The following NUDT19 variants were observed in gnomAD, a reference collection of about 807,000 sequenced individuals.
NUDT19 encodes the protein acyl-coenzyme A diphosphatase NUDT19.
A neutral mutation model predicts 22.2 loss-of-function variants in NUDT19; 31 were observed. The observed-to-expected ratio is 1.40, with a 90% CI of 1.05 to 1.89. The LOEUF (loss-of-function observed/expected upper bound fraction) is 1.89. Ranked by LOEUF, NUDT19 falls within the 40% of genes most tolerant of loss-of-function variation. The probability of loss-of-function intolerance (pLI) is 0.00; values close to 1 mark genes in which losing one functional copy is unlikely to be tolerated. For missense variants in NUDT19, 752 were observed against 514.2 expected, an observed-to-expected ratio of 1.46 and a Z score of -4.47; for synonymous variants, 325 against 230.8, an observed-to-expected ratio of 1.41 and a Z score of -3.70.
In NUDT19 at chr19:32,713,324, C is replaced by T. The variant is rs1190951431; in HGVS notation, c.*1367C>T. 1 of 152,146 alleles carries T rather than the reference C, an allele frequency of 6.6e-6. No homozygotes were observed. Among genetic ancestry groups the T allele is most frequent in the Non-Finnish European group, 1.5e-5 (1 of 68,034 alleles). The allele number at this position is 152,146 out of a possible 1,614,324, so 9.4% of individuals were successfully genotyped here. On this transcript the variant is annotated 3_prime_UTR_variant, in exon 3 of 3. Coordinates refer to ENST00000397061, the MANE Select transcript of NUDT19 (RefSeq NM_001105570.2). ...TACAGGCACCCACTACCATGCCCAG[C>T]TAATCTTTGTATTTTTAGTAGAGAC...
chr19:32,692,162 G>C lies in NUDT19; in HGVS notation c.202G>C (p.Asp68His), dbSNP rs1466870976. 2.0e-6 allele frequency: 3 copies of C among 1,526,874 alleles called. No individual in the cohort carries two copies. The highest frequency in any genetic ancestry group is 8.7e-7 in the Non-Finnish European group (1 of 1,146,712). The allele number at this position is 1,526,874 out of a possible 1,614,324, so 94.6% of individuals were successfully genotyped here. A position where few individuals can be genotyped will look rare whatever the true frequency, so the allele number is the denominator to read the frequency against. ...GCACGTCTTCTCCGGCGGAGTGCTGGATGCGGCCGACCGCTCGGCGGACTG... is the reference window on the plus strand; with the variant it reads ...GCACGTCTTCTCCGGCGGAGTGCTGCATGCGGCCGACCGCTCGGCGGACTG... ...GAHVFSGGVL[D>H]AADRSADWLG... Residue 68 changes from aspartate (D) to histidine (H), a missense_variant, in exon 1 of 3, where the codon GAT (aspartate) becomes CAT (histidine). Transcript: ENST00000397061.
intron 1 of NUDT19, among the ~76,000 whole-genome samples, chr19:32,703,813 C>G (rs1968360140): frequency 6.6e-6 from 1 of 151,834 alleles, no homozygotes; most frequent in Non-Finnish European, 1.5e-5. Context: ...CAGGCACCCA[C>G]CACCATGCCC....
In NUDT19 at chr19:32,692,383, G is replaced by A. The variant is rs766880928; in HGVS notation, c.423G>A (p.Leu141=). 1.9e-6 allele frequency: 3 copies of A among 1,585,656 alleles called. No individual in the cohort carries two copies. The highest frequency in any genetic ancestry group is 1.1e-5 in the South Asian group (1 of 89,636). ...EAFEEAGVLL[L]RPRTSPPGPA... ...TTGAGGAGGCGGGCGTGCTGCTGCT[G>A]CGGCCCAGGACTTCCCCACCAGGCC... The change falls in exon 1 of 3, where the codon CTG becomes CTA. Residue 141 remains leucine, a synonymous_variant. Transcript: ENST00000397061.
intron 1 of NUDT19, among the ~76,000 whole-genome samples, chr19:32,708,506 A>G (rs1182695402): frequency 6.6e-6 from 1 of 152,212 alleles, no homozygotes; most frequent in Non-Finnish European, 1.5e-5. Context: ...GTCTATGGAA[A>G]GAAGGCTCAG....
Position 32,692,411 on chromosome 19 carries a change from G to GC in NUDT19, c.452dup (p.Pro152ThrfsTer62). On this transcript the variant is annotated frameshift_variant, in exon 1 of 3. Coordinates refer to ENST00000397061, the MANE Select transcript of NUDT19 (RefSeq NM_001105570.2). LOFTEE classifies it high-confidence loss of function. ...GCCCAGGACTTCCCCACCAGGCCCAGCACCCGGGCCTGGCCTCGCCCTGGA... is the reference window on the plus strand; with the variant it reads ...GCCCAGGACTTCCCCACCAGGCCCAGCCACCCGGGCCTGGCCTCGCCCTGGA... 6.4e-7 allele frequency: 1 copy of GC among 1,564,944 alleles called. No individual in the cohort carries two copies. Among genetic ancestry groups the GC allele is most frequent in the South Asian group, 1.1e-5 (1 of 87,800 alleles).
At position 32,691,848 on chromosome 19, in the gene NUDT19, G is replaced by A. The variant is rs1354733315; in HGVS notation, c.-113G>A. On this transcript the variant is annotated 5_prime_UTR_variant, in exon 1 of 3. Transcript: ENST00000397061. ...ACGCCCAGGTTCACCCAACGCCAGA[G>A]GCTCGTCCTCAATTCCCGCGAGGCC... 7.5e-6 allele frequency: 4 copies of A among 535,546 alleles called. No homozygotes were observed. Among genetic ancestry groups the A allele is most frequent in the Non-Finnish European group, 1.1e-5 (4 of 366,768 alleles). The allele number at this position is 535,546 out of a possible 1,614,324, so 33.2% of individuals were successfully genotyped here.
rs1462198214 is a variant in NUDT19 at position 32,692,154 on chromosome 19, G to C, written c.194G>C (p.Gly65Ala). The C allele has an allele frequency of 1.1e-5, 17 of 1,510,182 alleles. No homozygotes were observed. Among genetic ancestry groups the C allele is most frequent in the Non-Finnish European group, 1.4e-5 (16 of 1,139,130 alleles). 93.5% of individuals were successfully genotyped at this position (1,510,182 alleles called of 1,614,324 possible). A position where few individuals can be genotyped will look rare whatever the true frequency, so the allele number is the denominator to read the frequency against. ...FMPGAHVFSG[G>A]VLDAADRSAD... is the part of the protein sequence containing the mutation. ...CCGGGCGCGCACGTCTTCTCCGGCGGAGTGCTGGATGCGGCCGACCGCTCG... is the reference window on the plus strand; with the variant it reads ...CCGGGCGCGCACGTCTTCTCCGGCGCAGTGCTGGATGCGGCCGACCGCTCG... Residue 65 changes from glycine to alanine, a missense_variant, in exon 1 of 3, where the codon GGA becomes GCA. By Grantham distance (60) the Gly-to-Ala change is moderately conservative (BLOSUM62 0). Coordinates refer to ENST00000397061, the MANE Select transcript of NUDT19 (RefSeq NM_001105570.2).
intron 1 of NUDT19, among the ~76,000 whole-genome samples, chr19:32,708,663 C>T (rs1323734924): frequency 6.6e-6 from 1 of 152,148 alleles, no homozygotes; most frequent in Non-Finnish European, 1.5e-5. Flanking sequence ...CCTGATGCTT[C>T]ACCGCCGTTG....
intron 1 of NUDT19, among the ~76,000 whole-genome samples, chr19:32,694,922 TCTTTTTC>T (rs1968245958): frequency 6.6e-6 from 1 of 152,214 alleles, no homozygotes; most frequent in Non-Finnish European, 1.5e-5. Flanking sequence ...ACCCATTGTG[TCTTTTTC>T]CTTAATCGCC....
chr19:32,696,404 G>T (rs1210703249), intron 1 of NUDT19, among the ~76,000 whole-genome samples: 7 of 152,036 alleles, frequency 4.6e-5, no homozygotes, highest in Non-Finnish European at 8.8e-5. Context: ...GTATGCCACT[G>T]GTTGTGGAGT....
Position 32,692,258 on chromosome 19 carries a change from G to A in NUDT19, c.298G>A (p.Ala100Thr). The change falls in exon 1 of 3, where the codon GCT (alanine) becomes ACT (threonine). Residue 100 changes from alanine to threonine, a missense_variant. Physicochemically the swap from Ala to Thr is moderately conservative, Grantham distance 58 (BLOSUM62 0). Transcript: ENST00000397061. ...GGGCCCGGCGCCATTCAGCCGCACC[G>A]CTTTCCCGTCGCTGCCCGACACCGA... ...GLGPAPFSRT[A>T]FPSLPDTDDH... 6.3e-7 allele frequency: 1 copy of A among 1,591,884 alleles called. No homozygotes were observed. The highest frequency in any genetic ancestry group is 1.4e-5 in the African/African-American group (1 of 73,710).
intron 1 of NUDT19, among the ~76,000 whole-genome samples, chr19:32,708,748 G>C (rs1968414717): frequency 6.6e-6 from 1 of 152,184 alleles, no homozygotes; most frequent in South Asian, 2.1e-4. Context: ...GGAGAGCTTT[G>C]TGGTGTCCAT....
chr19:32,692,692 C>G lies in NUDT19; in HGVS notation c.714+18C>G. The G allele has an allele frequency of 6.9e-7, 1 of 1,447,654 alleles. No homozygotes were observed. Among genetic ancestry groups the G allele is most frequent in the South Asian group, 1.5e-5 (1 of 68,184 alleles). The allele number at this position is 1,447,654 out of a possible 1,614,324, so 89.7% of individuals were successfully genotyped here. A position where few individuals can be genotyped will look rare whatever the true frequency, so the allele number is the denominator to read the frequency against. On this transcript the variant is annotated intron_variant, in intron 1 of 2. Transcript: ENST00000397061. ...GCTACCAGGTAAGGCCTGCTCAGGGCCTTGCTGCGGACCGCCAGGACGTGA... is the reference window on the plus strand; with the variant it reads ...GCTACCAGGTAAGGCCTGCTCAGGGGCTTGCTGCGGACCGCCAGGACGTGA...
intron 2 of NUDT19, among the ~76,000 whole-genome samples, chr19:32,711,270 C>A (rs1187969337): frequency 6.6e-6 from 1 of 152,076 alleles, no homozygotes; most frequent in East Asian, 1.9e-4. Context: ...TTGAGACCAG[C>A]CTGGTAAACA....
chr19:32,698,934 CCT>C (rs1968298657), intron 1 of NUDT19, among the ~76,000 whole-genome samples: 1 of 152,044 alleles, frequency 6.6e-6, no homozygotes, highest in South Asian at 2.1e-4. Context: ...AGGGCCATAC[CCT>C]GAGGGAGGGA....
At chr19:32,693,738 G>A (rs1434236659) in intron 1 of NUDT19, among the ~76,000 whole-genome samples, 1 of 152,148 alleles carries the variant, frequency 6.6e-6, no homozygotes, top group Admixed American at 6.5e-5. Context: ...TAGACACAGA[G>A]CACTGATTGG....
intron 1 of NUDT19, among the ~76,000 whole-genome samples, chr19:32,705,266 C>G (rs886763679): frequency 6.6e-6 from 1 of 151,448 alleles, no homozygotes; most frequent in Non-Finnish European, 1.5e-5. Flanking sequence ...ACTAAAAATA[C>G]CAAAAAAATT....
intron 1 of NUDT19, among the ~76,000 whole-genome samples, chr19:32,699,204 T>C (rs1365244645): frequency 6.6e-6 from 1 of 152,136 alleles, no homozygotes; most frequent in Non-Finnish European, 1.5e-5. Context: ...AAATCATTCT[T>C]ACAGGAGAAA....
In NUDT19 at chr19:32,712,092, C is replaced by T. The variant is rs567527522; in HGVS notation, c.*135C>T. The T allele has an allele frequency of 9.5e-5, 64 of 670,548 alleles. No individual in the cohort carries two copies. In the African/African-American group the frequency reaches 1.1e-3, roughly 12 times the overall value. The allele number at this position is 670,548 out of a possible 1,614,324, so 41.5% of individuals were successfully genotyped here. On this transcript the variant is annotated 3_prime_UTR_variant, in exon 3 of 3. Coordinates refer to ENST00000397061, the MANE Select transcript of NUDT19 (RefSeq NM_001105570.2). ...CAATTCAGTATTTCTTTATTTTTTT[C>T]GAGACAGAGTCTCAATCTGTCGCCC... is the stretch of plus-strand genomic sequence containing the variant.
Sources: allele counts gnomAD v4.1 joint callset (sites outside exome capture counted in the v4.1 genomes callset), GRCh38; gene constraint gnomAD v4.1.1; transcripts MANE v1.5; gene names NCBI Gene and HGNC (gene_info 2026-07-23, HGNC 2026-07-21).